Variants in NTNG1 observed in about 807,000 individuals in gnomAD.
NTNG1 encodes netrin-G1.
NTNG1 carries 16 observed loss-of-function variants against 54.0 expected under a neutral mutation model. The ratio of observed to expected loss-of-function variants is 0.30; its 90% CI spans 0.20 to 0.45. The LOEUF (loss-of-function observed/expected upper bound fraction) is 0.45, where lower values mean the gene tolerates loss of function less well. Ranked by LOEUF, NTNG1 falls within the 20% of genes least tolerant of loss-of-function variation. The pLI, the probability that NTNG1 is intolerant of heterozygous loss-of-function variation, is 1.00. For synonymous variants in NTNG1, 255 were observed against 263.1 expected (o/e 0.97, Z 0.30); for missense variants, 530 against 678.7 (o/e 0.78, Z 2.43).
chr1:107,315,760 G>A (rs1303385694), intron 2 of NTNG1, among the ~76,000 whole-genome samples: 3 of 152,080 alleles, frequency 2.0e-5, no homozygotes. Flanking sequence ...TACTTTTGTA[G>A]GGGCTGCCTT....
intron 7 of NTNG1, among the ~76,000 whole-genome samples, chr1:107,463,335 TG>T (rs1677394372): frequency 6.6e-6 from 1 of 152,142 alleles, no homozygotes; most frequent in Non-Finnish European, 1.5e-5. Context: ...TTATTGCTCT[TG>T]GCAATATAGT....
In NTNG1 at chr1:107,469,970, A is replaced by G. The variant is rs76533379; in HGVS notation, c.1391-10641A>G. ...TCACTGTGGCTCAATCTACAAATGT[A>G]AAAATGTCCACTCATTTAGCACCAG... On this transcript the variant is annotated intron_variant, in intron 7 of 7. Coordinates refer to ENST00000370068, the MANE Select transcript of NTNG1 (RefSeq NM_001113226.3). Among the ~76,000 whole-genome samples, 514 of 152,318 alleles carry G rather than the reference A, an allele frequency of 3.4e-3. 1 individual carries two copies. Among genetic ancestry groups the G allele is most frequent in the Non-Finnish European group, 2.5e-3 (171 of 68,032 alleles).
chr1:107,402,493 T>C (rs1673104452), intron 4 of NTNG1, among the ~76,000 whole-genome samples: 2 of 152,130 alleles, frequency 1.3e-5, no homozygotes, highest in South Asian at 4.1e-4. Context: ...GTAAGTCAGG[T>C]TAATGTCACC....
chr1:107,144,523 G>A (rs1188654503), intron 1 of NTNG1, among the ~76,000 whole-genome samples: 1 of 151,970 alleles, frequency 6.6e-6, no homozygotes, highest in Non-Finnish European at 1.5e-5. Flanking sequence ...AATTGCTTTT[G>A]GAATATAATT....
Position 107,481,487 on chromosome 1 carries a change from C to T in NTNG1, c.*647C>T, listed in dbSNP as rs1371034957. On this transcript the variant is annotated 3_prime_UTR_variant, in exon 8 of 8. Transcript: ENST00000370068. The stretch of plus-strand genomic sequence containing the variant: ...CACTGAGTCCAGTGCGAGCACACAC[C>T]CACTATACAAGAGTGGCTATAGGAA... 1 of 152,628 alleles carries T rather than the reference C, an allele frequency of 6.6e-6. No individual in the cohort carries two copies. The highest frequency in any genetic ancestry group is 2.4e-5 in the African/African-American group (1 of 41,434). 9.5% of individuals were successfully genotyped at this position (152,628 alleles called of 1,614,324 possible).
chr1:107,147,408 A>G (rs1007491957), intron 1 of NTNG1, among the ~76,000 whole-genome samples: 1 of 152,158 alleles, frequency 6.6e-6, no homozygotes, highest in Admixed American at 6.6e-5. Context: ...AAAAAGATGT[A>G]AAAATATAGA....
At chr1:107,346,286 A>T (rs1286001084) in intron 3 of NTNG1, among the ~76,000 whole-genome samples, 2 of 152,196 alleles carry the variant, frequency 1.3e-5, no homozygotes, top group African/African-American at 4.8e-5. Flanking sequence ...GTATAGATTT[A>T]CTACAGTCAG....
intron 7 of NTNG1, among the ~76,000 whole-genome samples, chr1:107,457,533 G>T (rs555673753): frequency 6.6e-6 from 1 of 152,146 alleles, no homozygotes; most frequent in Non-Finnish European, 1.5e-5. Context: ...ACATATATGT[G>T]TCTATCCAAT....
chr1:107,233,818 A>G (rs1661222094), intron 2 of NTNG1, among the ~76,000 whole-genome samples: 2 of 152,090 alleles, frequency 1.3e-5, no homozygotes, highest in South Asian at 2.1e-4. Context: ...TCCTTTTTAT[A>G]TTAAGTTTTT....
chr1:107,454,494 T>C (rs1676817875), intron 7 of NTNG1, among the ~76,000 whole-genome samples: 1 of 152,112 alleles, frequency 6.6e-6, no homozygotes, highest in Non-Finnish European at 1.5e-5. Flanking sequence ...CGGGCTTTCA[T>C]TCCAAGGATG....
intron 7 of NTNG1, among the ~76,000 whole-genome samples, chr1:107,463,353 T>C (rs180952100): frequency 2.8e-4 from 42 of 152,338 alleles, no homozygotes; most frequent in African/African-American, 1.0e-3. Flanking sequence ...TAGTTAAGAA[T>C]CTATTGACGT....
intron 7 of NTNG1, among the ~76,000 whole-genome samples, chr1:107,437,613 A>C (rs1675687523): frequency 6.6e-6 from 1 of 152,230 alleles, no homozygotes; most frequent in South Asian, 2.1e-4. Flanking sequence ...GGTCCAATAG[A>C]AAATCAAGCA....
At chr1:107,308,502 T>C (rs556711878) in intron 2 of NTNG1, among the ~76,000 whole-genome samples, 2 of 152,232 alleles carry the variant, frequency 1.3e-5, no homozygotes, top group South Asian at 2.1e-4. Flanking sequence ...TTCTGTTCCA[T>C]TGGTCTCTGT....
chr1:107,235,087 T>C (rs1173262731), intron 2 of NTNG1, among the ~76,000 whole-genome samples: 1 of 152,202 alleles, frequency 6.6e-6, no homozygotes, highest in Non-Finnish European at 1.5e-5. Flanking sequence ...ATTGGGGTTT[T>C]AAAAGGTTAG....
chr1:107,166,192 G>A (rs1400337837), intron 2 of NTNG1, among the ~76,000 whole-genome samples: 3 of 152,136 alleles, frequency 2.0e-5, no homozygotes, highest in East Asian at 1.9e-4. Context: ...TAAGCTTTGA[G>A]AAAAAAGTAG....
intron 3 of NTNG1, among the ~76,000 whole-genome samples, chr1:107,332,406 AT>A (rs1180045367): frequency 6.6e-6 from 1 of 152,112 alleles, no homozygotes; most frequent in Non-Finnish European, 1.5e-5. Flanking sequence ...AAATAAAATA[AT>A]TTCTTCCCTC....
At position 107,377,285 on chromosome 1, in the gene NTNG1, C is replaced by T. The variant is rs140361747; in HGVS notation, c.888-17869C>T. The stretch of plus-strand genomic sequence containing the variant: ...CATGCAGTAGTGATGTGGCCAGGAA[C>T]GGAGGATTATCTCAGTCACCACCAC... On this transcript the variant is annotated intron_variant, in intron 3 of 7. Coordinates refer to ENST00000370068, the MANE Select transcript of NTNG1 (RefSeq NM_001113226.3). Among the ~76,000 whole-genome samples, 73 of 152,254 alleles carry T rather than the reference C, an allele frequency of 4.8e-4. No homozygotes were observed. In the Middle Eastern group the frequency reaches 0.014, roughly 28 times the overall value.
chr1:107,361,391 A>ATATT (rs370815306), intron 3 of NTNG1, among the ~76,000 whole-genome samples: 6,961 of 87,834 alleles, frequency 0.079, 377 homozygotes, highest in Non-Finnish European at 0.11. Context: ...ATATATATAT[A>ATATT]TTTTTTTTTT....
intron 2 of NTNG1, among the ~76,000 whole-genome samples, chr1:107,282,282 T>C (rs564557722): frequency 6.6e-6 from 1 of 152,150 alleles, no homozygotes; most frequent in Non-Finnish European, 1.5e-5. Flanking sequence ...TGCCAACCCT[T>C]TCCTGTCTGT....
Sources: gnomAD v4.1 joint callset for allele counts (sites outside exome capture counted in the v4.1 genomes callset) on GRCh38, gnomAD v4.1.1 for gene constraint, MANE v1.5 for transcripts, NCBI Gene and HGNC (gene_info 2026-07-23, HGNC 2026-07-21) for gene names.